The following FMN1 variants were observed in gnomAD, a reference collection of about 807,000 sequenced individuals.
The protein encoded by FMN1 is formin 1, also known as formin-1.
Under a neutral mutation model 132.4 loss-of-function variants are expected in FMN1, and 110 were observed. That is an observed-to-expected ratio of 0.83 (90% CI 0.71 to 0.97). FMN1 has a LOEUF of 0.97. Among genes scored for constraint, FMN1 ranks in the 50% least tolerant of loss-of-function variants. The pLI is 0.00. For synonymous variants in FMN1, 722 were observed against 651.7 expected (o/e 1.11, Z -1.64); for missense variants, 1,792 against 1,705.3 (o/e 1.05, Z -0.90).
At chr15:33,016,848 C>T (rs1413758563) in intron 6 of FMN1, among the ~76,000 whole-genome samples, 1 of 152,196 alleles carries the variant, frequency 6.6e-6, no homozygotes, top group Non-Finnish European at 1.5e-5. Context: ...AGACCACTGC[C>T]CGCAGAAGCC....
intron 6 of FMN1, among the ~76,000 whole-genome samples, chr15:33,047,730 G>C (rs2036754561): frequency 6.6e-6 from 1 of 152,142 alleles, no homozygotes; most frequent in Non-Finnish European, 1.5e-5. Context: ...TTGAAATGCA[G>C]GTTCTGGTAT....
At chr15:32,946,136 G>A (rs140540563) in intron 9 of FMN1, among the ~76,000 whole-genome samples, 34 of 152,270 alleles carry the variant, frequency 2.2e-4, no homozygotes, top group African/African-American at 8.2e-4. Flanking sequence ...TAGAACTGCT[G>A]CAAGATTTTG....
At chr15:32,799,089 A>G (rs1595940712) in intron 18 of FMN1, 136 bp from the exon 19 acceptor site, 1 of 671,866 alleles carries the variant, frequency 1.5e-6, no homozygotes, top group Non-Finnish European at 2.5e-6. Context: ...GCTCATAGTT[A>G]CTGAAGTTTA....
intron 2 of FMN1, among the ~76,000 whole-genome samples, chr15:33,180,878 T>C (rs953298591): frequency 1.3e-5 from 2 of 151,502 alleles, no homozygotes; most frequent in Admixed American, 1.3e-4. Context: ...GCCTCCTGAG[T>C]AGCTGGGATT....
intron 4 of FMN1, among the ~76,000 whole-genome samples, chr15:33,139,493 A>T (rs1344857793): frequency 1.3e-5 from 2 of 152,224 alleles, no homozygotes; most frequent in Non-Finnish European, 2.9e-5. Context: ...CAGGAGGCTG[A>T]GGCAGGAGAA....
intron 15 of FMN1, among the ~76,000 whole-genome samples, chr15:32,896,217 C>T (rs1184917466): frequency 6.6e-6 from 1 of 151,904 alleles, no homozygotes; most frequent in African/African-American, 2.4e-5. Flanking sequence ...GTTAGTCTAT[C>T]ATTCTACACT....
chr15:32,806,967 A>G (rs1158550147), intron 17 of FMN1, among the ~76,000 whole-genome samples: 1 of 152,148 alleles, frequency 6.6e-6, no homozygotes, highest in Non-Finnish European at 1.5e-5. Context: ...TCATGTGTTT[A>G]TCATGCAACA....
intron 4 of FMN1, among the ~76,000 whole-genome samples, chr15:33,113,318 G>A (rs2039784141): frequency 6.6e-6 from 1 of 152,154 alleles, no homozygotes; most frequent in South Asian, 2.1e-4. Flanking sequence ...TATTTGTAAC[G>A]TAGGTCCACT....
At chr15:33,123,638 G>C (rs1205941026) in intron 4 of FMN1, among the ~76,000 whole-genome samples, 2 of 152,178 alleles carry the variant, frequency 1.3e-5, no homozygotes, top group African/African-American at 4.8e-5. Flanking sequence ...CAAACAGCTA[G>C]CTATTTTATA....
At chr15:33,000,203 A>G (rs2034012870) in intron 7 of FMN1, among the ~76,000 whole-genome samples, 1 of 152,188 alleles carries the variant, frequency 6.6e-6, no homozygotes, top group Non-Finnish European at 1.5e-5. Context: ...TAATCCCAGC[A>G]CTTTGGGAGG....
At chr15:33,109,445 C>CA (rs2039612169) in intron 4 of FMN1, among the ~76,000 whole-genome samples, 1 of 151,952 alleles carries the variant, frequency 6.6e-6, no homozygotes, top group Non-Finnish European at 1.5e-5. Context: ...AACCTAATGT[C>CA]AATCGATGAC....
chr15:33,115,204 A>G (rs1398912568), intron 4 of FMN1, among the ~76,000 whole-genome samples: 1 of 152,192 alleles, frequency 6.6e-6, no homozygotes, highest in Non-Finnish European at 1.5e-5. Context: ...TGTTAAAAGG[A>G]GAGTACTTAA....
chr15:33,073,097 C>T (rs1257433688), intron 5 of FMN1, among the ~76,000 whole-genome samples: 1 of 152,140 alleles, frequency 6.6e-6, no homozygotes, highest in African/African-American at 2.4e-5. Flanking sequence ...TTTGCGAAAA[C>T]TGGACACTGA....
intron 4 of FMN1, chr15:33,150,324 C>T: frequency 2.0e-6 from 2 of 985,486 alleles, no homozygotes; most frequent in South Asian, 9.4e-5. Flanking sequence ...GGCTTGGGAA[C>T]ATTCCACATC....
Position 33,128,227 on chromosome 15 carries a change from C to A in FMN1, c.1867+24821G>T, listed in dbSNP as rs562167749. On this transcript the variant is annotated intron_variant, in intron 4 of 20. Coordinates refer to ENST00000616417, the MANE Select transcript of FMN1 (RefSeq NM_001277313.2). ...AAGCAAAAAGCAGACTTACGAGCAA[C>A]CAAAGACCATAATTTCCAACACCCT... is the stretch of plus-strand genomic sequence containing the variant. Among the ~76,000 whole-genome samples, 3 of 152,026 alleles carry A rather than the reference C, an allele frequency of 2.0e-5. No homozygotes were observed. The South Asian group carries it at 6.2e-4, about 32-fold the overall frequency.
At chr15:32,804,421 A>T in intron 17 of FMN1, 89 bp from the exon 18 acceptor site, 1 of 107,726 alleles carries the variant, frequency 9.3e-6, no homozygotes. Flanking sequence ...ATTCATTACC[A>T]CAGGAGGTCT....
chr15:33,006,762 C>T (rs1044577027), intron 7 of FMN1, among the ~76,000 whole-genome samples: 27 of 152,050 alleles, frequency 1.8e-4, no homozygotes, highest in African/African-American at 6.5e-4. Flanking sequence ...ACCTAGAGAA[C>T]ATTATGTTAC....
chr15:33,049,539 T>G (rs529520981), intron 6 of FMN1, among the ~76,000 whole-genome samples: 17 of 152,354 alleles, frequency 1.1e-4, no homozygotes, highest in African/African-American at 3.8e-4. Flanking sequence ...GACTAAAGTT[T>G]TGGTCAATCT....
intron 9 of FMN1, among the ~76,000 whole-genome samples, chr15:32,936,116 T>C (rs1204724904): frequency 2.6e-5 from 4 of 152,240 alleles, no homozygotes; most frequent in Non-Finnish European, 5.9e-5. Context: ...TCTTTGTTGA[T>C]ACTGTCATTT....
Sources: allele counts gnomAD v4.1 joint callset (sites outside exome capture counted in the v4.1 genomes callset), GRCh38; gene constraint gnomAD v4.1.1; transcripts MANE v1.5; gene names NCBI Gene and HGNC (gene_info 2026-07-23, HGNC 2026-07-21).